ANKS1B: variants seen among roughly 807,000 people sequenced by gnomAD.
ANKS1B encodes ankyrin repeat and sterile alpha motif domain-containing protein 1B.
ANKS1B carries 36 observed loss-of-function variants against 148.3 expected under a neutral mutation model. That is an observed-to-expected ratio of 0.24 (90% confidence interval 0.19 to 0.32). ANKS1B has a LOEUF of 0.32. ANKS1B is among the 10% of genes least tolerant of loss of function. ANKS1B has a pLI of 1.00. For synonymous variants in ANKS1B, 542 were observed against 560.8 expected, an observed-to-expected ratio of 0.97 and a Z score of 0.47; for missense variants, 1,157 against 1,542.6, an observed-to-expected ratio of 0.75 and a Z score of 4.19.
intron 12 of ANKS1B, among the ~76,000 whole-genome samples, chr12:99,304,238 A>G (rs1266063729): frequency 6.6e-6 from 1 of 152,124 alleles, no homozygotes; most frequent in Non-Finnish European, 1.5e-5. Context: ...CCAGCAGTGT[A>G]GAAGTGTTCC....
Position 99,330,983 on chromosome 12 carries a change from T to C in ANKS1B, c.1756+68648A>G, listed in dbSNP as rs563309268. ...CAAACAGACTTCAAATACATCATTT[T>C]TATACATTCGAGGGTGGTTATTTAA... On this transcript the variant is annotated intron_variant, in intron 12 of 26. Transcript: ENST00000683438. Among the ~76,000 whole-genome samples, 4 of 152,162 alleles carry C rather than the reference T, an allele frequency of 2.6e-5. No individual in the cohort carries two copies. The South Asian group carries it at 8.3e-4, about 32-fold the overall frequency.
intron 10 of ANKS1B, among the ~76,000 whole-genome samples, chr12:99,493,032 G>A (rs1448659007): frequency 6.6e-6 from 1 of 152,030 alleles, no homozygotes; most frequent in Non-Finnish European, 1.5e-5. Context: ...TGGAAGTCCT[G>A]GCCAGATCAA....
At chr12:98,944,039 C>A (rs1475975455) in intron 17 of ANKS1B, among the ~76,000 whole-genome samples, 1 of 152,102 alleles carries the variant, frequency 6.6e-6, no homozygotes, top group Non-Finnish European at 1.5e-5. Flanking sequence ...GTGGCTCATG[C>A]CTGTAATTCC....
At chr12:99,294,630 G>A (rs942734749) in intron 12 of ANKS1B, among the ~76,000 whole-genome samples, 1 of 151,978 alleles carries the variant, frequency 6.6e-6, no homozygotes, top group African/African-American at 2.4e-5. Context: ...ATAACAGGGT[G>A]ACTACAGTCA....
intron 8 of ANKS1B, among the ~76,000 whole-genome samples, chr12:99,728,095 A>C (rs2058787024): frequency 6.6e-6 from 1 of 152,172 alleles, no homozygotes; most frequent in Non-Finnish European, 1.5e-5. Flanking sequence ...TGATGAAAAC[A>C]CCAAAAGCAA....
At position 98,757,939 on chromosome 12, in the gene ANKS1B, T is replaced by TGTGTGTGTGTGTGCAC. The variant is rs1555259049; in HGVS notation, c.3580-6418_3580-6417insGTGCACACACACACAC. Among the ~76,000 whole-genome samples, 79 of 116,016 alleles carry TGTGTGTGTGTGTGCAC rather than the reference T, an allele frequency of 6.8e-4. 1 individual carries two copies. Among genetic ancestry groups the TGTGTGTGTGTGTGCAC allele is most frequent in the African/African-American group, 2.4e-3 (67 of 28,088 alleles). The allele number at this position is 116,016 out of a possible 152,430, so 76.1% of individuals were successfully genotyped here. ...CTGCATGTGTGTGCATGTGTGCACG[T>TGTGTGTGTGTGTGCAC]GTGTGTGTGTGTGTGTGTGCACACG... is the stretch of plus-strand genomic sequence containing the variant. On this transcript the variant is annotated intron_variant, in intron 25 of 26. Transcript: ENST00000683438.
chr12:99,716,186 CG>C (rs1433834440), intron 8 of ANKS1B, among the ~76,000 whole-genome samples: 2 of 151,872 alleles, frequency 1.3e-5, no homozygotes, highest in Non-Finnish European at 2.9e-5. Flanking sequence ...CTCTGTGCCC[CG>C]ATCCCTTATT....
chr12:98,735,744 A>C (rs2097769494), intron 9 of ANKS1B: 2 of 514,774 alleles, frequency 3.9e-6, no homozygotes, highest in Admixed American at 5.9e-5. Flanking sequence ...TTGGGAACAC[A>C]GGAGTGAGCA....
At chr12:99,270,873 TTAATA>T (rs1232660392) in intron 12 of ANKS1B, among the ~76,000 whole-genome samples, 3 of 152,242 alleles carry the variant, frequency 2.0e-5, no homozygotes, top group African/African-American at 7.2e-5. Flanking sequence ...AAAATTTATT[TTAATA>T]TGCGTTAAAA....
intron 15 of ANKS1B, among the ~76,000 whole-genome samples, chr12:99,151,108 A>C (rs1357653665): frequency 6.6e-6 from 1 of 152,222 alleles, no homozygotes; most frequent in Admixed American, 6.5e-5. Flanking sequence ...CTGAAAATCA[A>C]AATGAAATAC....
At chr12:99,932,138 T>C (rs1439750532) in intron 1 of ANKS1B, among the ~76,000 whole-genome samples, 2 of 152,214 alleles carry the variant, frequency 1.3e-5, no homozygotes, top group Non-Finnish European at 2.9e-5. Context: ...ACATTGTGTA[T>C]ACGTGACACA....
intron 17 of ANKS1B, among the ~76,000 whole-genome samples, chr12:98,880,730 T>G (rs1476292342): frequency 3.3e-5 from 5 of 151,962 alleles, no homozygotes; most frequent in Non-Finnish European, 7.4e-5. Flanking sequence ...ATCGCGCCAC[T>G]GCACTCCAGC....
intron 8 of ANKS1B, among the ~76,000 whole-genome samples, chr12:99,681,456 C>G (rs2098616485): frequency 6.6e-6 from 1 of 152,200 alleles, no homozygotes; most frequent in Non-Finnish European, 1.5e-5. Context: ...GCTACCTCCA[C>G]TGGAGTAGCT....
chr12:99,681,950 A>G (rs1157367262), intron 8 of ANKS1B, among the ~76,000 whole-genome samples: 1 of 152,244 alleles, frequency 6.6e-6, no homozygotes, highest in African/African-American at 2.4e-5. Flanking sequence ...AGACACCAAA[A>G]GCGAGCAGGA....
intron 14 of ANKS1B, among the ~76,000 whole-genome samples, chr12:99,219,436 G>C (rs2084739854): frequency 1.3e-5 from 2 of 152,112 alleles, no homozygotes; most frequent in African/African-American, 2.4e-5. Flanking sequence ...CACCGACAAA[G>C]AAACAAGATT....
chr12:99,446,977 T>A (rs1054605420), intron 10 of ANKS1B, among the ~76,000 whole-genome samples: 1 of 151,936 alleles, frequency 6.6e-6, no homozygotes, highest in Non-Finnish European at 1.5e-5. Context: ...ACTGTTGAAA[T>A]AGACCAAGAA....
chr12:99,562,579 T>A (rs2097347873), intron 9 of ANKS1B, among the ~76,000 whole-genome samples: 1 of 152,184 alleles, frequency 6.6e-6, no homozygotes, highest in African/African-American at 2.4e-5. Flanking sequence ...CAGTTCCACA[T>A]GGCTGGAGAG....
chr12:98,903,904 T>C (rs2099775522), intron 17 of ANKS1B, among the ~76,000 whole-genome samples: 1 of 152,298 alleles, frequency 6.6e-6, no homozygotes, highest in East Asian at 1.9e-4. Flanking sequence ...TTGAGACTTA[T>C]ATTACTGCAA....
chr12:99,776,135 G>C (rs2063625745), intron 6 of ANKS1B, among the ~76,000 whole-genome samples: 1 of 152,162 alleles, frequency 6.6e-6, no homozygotes, highest in South Asian at 2.1e-4. Flanking sequence ...AAATGGTGCT[G>C]TAATCTTGTA....
Sources: gnomAD v4.1 joint callset for allele counts (sites outside exome capture counted in the v4.1 genomes callset) on GRCh38, gnomAD v4.1.1 for gene constraint, MANE v1.5 for transcripts, NCBI Gene and HGNC (gene_info 2026-07-23, HGNC 2026-07-21) for gene names.